F8: variants seen among roughly 807,000 people sequenced by gnomAD.
F8 encodes the protein antihemophilic factor.
A neutral mutation model predicts 140.6 loss-of-function variants in F8; 12 were observed. The observed-to-expected ratio is 0.09, with a 90% confidence interval of 0.05 to 0.14. The LOEUF (loss-of-function observed/expected upper bound fraction) is 0.14. Among genes scored for constraint, F8 ranks in the 10% least tolerant of loss-of-function variants. The pLI is 1.00. For missense variants in F8, 1,354 were observed against 1,720.7 expected, an observed-to-expected ratio of 0.79 and a Z score of 3.77; for synonymous variants, 585 against 614.6, an observed-to-expected ratio of 0.95 and a Z score of 0.71.
chrX:155,012,598 A>G lies in F8; in HGVS notation c.143+9812T>C, dbSNP rs1167729539. Reference sequence around the variant, plus strand: ...GTTGGGGTTACAGGTGTGAGCCACCATGCCCAGTCTCAAATGGAATTTCTT... The same window carrying G: ...GTTGGGGTTACAGGTGTGAGCCACCGTGCCCAGTCTCAAATGGAATTTCTT... On this transcript the variant is annotated intron_variant, in intron 1 of 25. Coordinates refer to ENST00000360256, the MANE Select transcript of F8 (RefSeq NM_000132.4). Among the ~76,000 whole-genome samples, 8 of 111,428 alleles carry G rather than the reference A, an allele frequency of 7.2e-5. No individual in the cohort carries two copies. In the Admixed American group the frequency reaches 7.6e-4, roughly 11 times the overall value.
chrX:154,850,432 GGCT>G (rs2072606398), intron 25 of F8, among the ~76,000 whole-genome samples: 2 of 108,419 alleles, frequency 1.8e-5, no homozygotes, highest in African/African-American at 6.7e-5. Flanking sequence ...CTGGCCAGCA[GGCT>G]TGGTTCTTTT....
intron 25 of F8, among the ~76,000 whole-genome samples, chrX:154,846,995 T>C (rs1475533781): frequency 8.9e-6 from 1 of 111,846 alleles, no homozygotes; most frequent in Non-Finnish European, 1.9e-5. Context: ...ACAAAATCTC[T>C]CAGCATTTGC....
At chrX:154,935,771 TG>T (rs1481268314) in intron 13 of F8, among the ~76,000 whole-genome samples, 9 of 110,718 alleles carry the variant, frequency 8.1e-5, no homozygotes, top group African/African-American at 2.0e-4. Flanking sequence ...TCAACAAAAC[TG>T]AACAACTAGA....
intron 4 of F8, among the ~76,000 whole-genome samples, chrX:154,992,507 C>G (rs1557284751): frequency 3.6e-5 from 4 of 111,840 alleles, no homozygotes; most frequent in Non-Finnish European, 7.5e-5. Flanking sequence ...TTTTTATATA[C>G]TTTTGGTTTA....
intron 6 of F8, among the ~76,000 whole-genome samples, chrX:154,970,900 A>G (rs1306443533): frequency 9.0e-6 from 1 of 111,683 alleles, no homozygotes; most frequent in Non-Finnish European, 1.9e-5. Context: ...CTGTCCCTCC[A>G]CTATAAGGTA....
chrX:154,857,308 GTGGTATATACATGATCA>G (rs2148565038), intron 25 of F8, among the ~76,000 whole-genome samples: 1 of 111,908 alleles, frequency 8.9e-6, no homozygotes, highest in African/African-American at 3.2e-5. Flanking sequence ...TCAAATGGAA[GTGGTATATACATGATCA>G]TGTCTGAGCA....
intron 14 of F8, among the ~76,000 whole-genome samples, chrX:154,907,478 C>T (rs1233570069): frequency 8.9e-6 from 1 of 112,174 alleles, no homozygotes; most frequent in African/African-American, 3.2e-5. Context: ...ACTAGGTATG[C>T]ATGTGTTTGG....
chrX:154,944,335 C>T (rs2073289666), intron 13 of F8, among the ~76,000 whole-genome samples: 1 of 109,692 alleles, frequency 9.1e-6, no homozygotes, highest in African/African-American at 3.3e-5. Context: ...AAAAAACAAA[C>T]AACCCCATCA....
intron 13 of F8, among the ~76,000 whole-genome samples, chrX:154,937,487 G>A (rs1466267793): frequency 1.8e-5 from 2 of 109,687 alleles, no homozygotes; most frequent in Non-Finnish European, 3.8e-5. Flanking sequence ...GTTAGTGGGT[G>A]CAGGCGATAA....
intron 15 of F8, among the ~76,000 whole-genome samples, chrX:154,905,453 A>T (rs2073033447): frequency 8.9e-6 from 1 of 112,161 alleles, no homozygotes; most frequent in African/African-American, 3.2e-5. Flanking sequence ...TATAATGGAA[A>T]GTAAAATAAA....
rs782439157 is a variant in F8 at position 154,862,405 on chromosome X, C to A, written c.6575-539G>T. On this transcript the variant is annotated intron_variant, in intron 23 of 25. Coordinates refer to ENST00000360256, the MANE Select transcript of F8 (RefSeq NM_000132.4). The stretch of plus-strand genomic sequence containing the variant: ...TTTAATTTTCTTTGTTTCTTTTCTT[C>A]TTCTACTTTTATTTTAGATTCTAGG... Among the ~76,000 whole-genome samples the A allele has an allele frequency of 6.6e-4, 74 of 111,509 alleles. No homozygotes were observed. The Middle Eastern group carries it at 0.037, about 56-fold the overall frequency.
Position 154,899,852 on chromosome X carries a change from T to G in F8, c.6273+14A>C. ...AATGTGATACATTTCCCATCATTGA[T>G]TACATTTTCTAACCTTGATCCAAGA... On this transcript the variant is annotated intron_variant, in intron 21 of 25. Transcript: ENST00000360256. The G allele has an allele frequency of 8.4e-7, 1 of 1,194,489 alleles. No homozygotes were observed. The highest frequency in any genetic ancestry group is 1.1e-6 in the Non-Finnish European group (1 of 879,807).
chrX:154,968,946 C>CA lies in F8; in HGVS notation c.1009+384dup, dbSNP rs781844406. 9.8e-3 allele frequency among the ~76,000 whole-genome samples: 956 copies of CA among 97,913 alleles called. 6 individuals carry two copies. The highest frequency in any genetic ancestry group is 0.039 in the East Asian group (127 of 3,216). 85.0% of individuals were successfully genotyped at this position (97,913 alleles called of 115,157 possible). ...TTTTTCCCATTTCCCTAGATTTCTC[C>CA]AAAAAAAAAAAAAATCTCTTCAGCT... On this transcript the variant is annotated intron_variant, in intron 7 of 25. Transcript: ENST00000360256.
intron 1 of F8, among the ~76,000 whole-genome samples, chrX:155,008,231 AG>A (rs2073686447): frequency 9.0e-6 from 1 of 111,585 alleles, no homozygotes; most frequent in African/African-American, 3.3e-5. Flanking sequence ...GTCCCCACTA[AG>A]AAGATTACAT....
At chrX:154,905,051 A>T in intron 15 of F8, 28 bp from the exon 16 acceptor site, 2 of 1,111,257 alleles carry the variant, frequency 1.8e-6, no homozygotes, top group Non-Finnish European at 2.5e-6. Context: ...CAAAAAAAAA[A>T]AAGCAAGAAT....
chrX:154,940,327 G>A (rs1031999070), intron 13 of F8, among the ~76,000 whole-genome samples: 9 of 112,332 alleles, frequency 8.0e-5, no homozygotes, highest in Admixed American at 4.7e-4. Context: ...TAAAGGACCT[G>A]ATGGAGCTGA....
At chrX:154,944,241 A>C (rs1350044457) in intron 13 of F8, among the ~76,000 whole-genome samples, 45 of 109,000 alleles carry the variant, frequency 4.1e-4, no homozygotes, top group Non-Finnish European at 6.7e-4. Context: ...CAACCTACAA[A>C]ATGGGAGAAA....
chrX:154,948,519 A>G (rs782577868), intron 12 of F8, among the ~76,000 whole-genome samples: 7 of 112,591 alleles, frequency 6.2e-5, no homozygotes, highest in African/African-American at 2.3e-4. Flanking sequence ...GTGTGTATAT[A>G]AAGAAAAGAA....
chrX:154,857,804 A>G (rs2072660682), intron 25 of F8, among the ~76,000 whole-genome samples: 1 of 112,499 alleles, frequency 8.9e-6, no homozygotes, highest in Non-Finnish European at 1.9e-5. Context: ...GTGAGTGCTC[A>G]ACGAAGGGTG....
Sources: allele counts gnomAD v4.1 joint callset (sites outside exome capture counted in the v4.1 genomes callset), GRCh38; gene constraint gnomAD v4.1.1; transcripts MANE v1.5; gene names NCBI Gene and HGNC (gene_info 2026-07-23, HGNC 2026-07-21).